The following COL8A2 variants were observed in gnomAD, a reference collection of about 807,000 sequenced individuals.
COL8A2 encodes the protein collagen alpha-2(VIII) chain.
In COL8A2, 16 loss-of-function variants were observed where a neutral mutation model predicts 24.0. The ratio of observed to expected loss-of-function variants is 0.67; its 90% CI spans 0.45 to 1.01. The LOEUF is 1.01. COL8A2 is among the 50% of genes least tolerant of loss of function. The probability of loss-of-function intolerance (pLI) is 0.00; values close to 1 mark genes in which losing one functional copy is unlikely to be tolerated. For synonymous variants in COL8A2, 466 were observed against 424.5 expected, an observed-to-expected ratio of 1.10 and a Z score of -1.20; for missense variants, 818 against 942.4, an observed-to-expected ratio of 0.87 and a Z score of 1.73.
At chr1:36,114,582 A>C (rs1643870722) in intron 2 of COL8A2, among the ~76,000 whole-genome samples, 1 of 152,096 alleles carries the variant, frequency 6.6e-6, no homozygotes, top group Non-Finnish European at 1.5e-5. Context: ...GTTCTCATTT[A>C]AGACCCAGCT....
chr1:36,110,471 C>CTT (rs925340105), intron 2 of COL8A2, among the ~76,000 whole-genome samples: 2 of 147,470 alleles, frequency 1.4e-5, no homozygotes, highest in Non-Finnish European at 3.0e-5. Context: ...GTAAAGTGAA[C>CTT]TTTTTTTTTT....
rs1643550905 is a variant in COL8A2, at chr1:36,095,662, T to TA, written c.*1906_*1907insT. 1 of 152,212 alleles carries TA rather than the reference T, an allele frequency of 6.6e-6. No homozygotes were observed. The highest frequency in any genetic ancestry group is 2.1e-4 in the South Asian group (1 of 4,832). 9.4% of individuals were successfully genotyped at this position (152,212 alleles called of 1,614,324 possible). On this transcript the variant is annotated 3_prime_UTR_variant, in exon 4 of 4. Transcript: ENST00000397799. Reference sequence around the variant, plus strand: ...CTCTGTGAAATAGCTCCCGTTTTTTTTCTTGGGACCCTACTTAGTTCCGTG... The same window carrying TA: ...CTCTGTGAAATAGCTCCCGTTTTTTTATCTTGGGACCCTACTTAGTTCCGTG...
intron 2 of COL8A2, among the ~76,000 whole-genome samples, chr1:36,107,146 G>C (rs936303675): frequency 1.3e-5 from 2 of 152,210 alleles, no homozygotes; most frequent in Admixed American, 1.3e-4. Context: ...GCTCATGCCT[G>C]TAATCCCAGC....
Position 36,107,343 on chromosome 1 carries a change from G to A in COL8A2, c.-16-7085C>T, listed in dbSNP as rs1006619066. On this transcript the variant is annotated intron_variant, in intron 2 of 3. Transcript: ENST00000397799. ...TGCTTGAGCCTGTGAGTTTGAGGCC[G>A]CAGTGAGCCGTGATTGCACCACTGC... Among the ~76,000 whole-genome samples, 7 of 151,780 alleles carry A rather than the reference G, an allele frequency of 4.6e-5. No individual in the cohort carries two copies. The East Asian group carries it at 7.8e-4, about 17-fold the overall frequency.
intron 1 of COL8A2, among the ~76,000 whole-genome samples, chr1:36,118,119 C>T (rs1247297723): frequency 1.3e-5 from 2 of 152,226 alleles, no homozygotes; most frequent in African/African-American, 4.8e-5. Flanking sequence ...ACTAGGCACA[C>T]TCCTGGCACT....
rs978323463 is a variant in COL8A2 at position 36,095,803 on chromosome 1, T to C, written c.*1766A>G. The C allele has an allele frequency of 1.3e-5, 2 of 152,146 alleles. No individual in the cohort carries two copies. The highest frequency in any genetic ancestry group is 4.8e-5 in the African/African-American group (2 of 41,420). 9.4% of individuals were successfully genotyped at this position (152,146 alleles called of 1,614,324 possible). A position where few individuals can be genotyped will look rare whatever the true frequency, so the allele number is the denominator to read the frequency against. ...TTGAGCGAAGAACCCCCACCAGGTA[T>C]GGTTTGAGAGTCCTTAGTTGGTTTT... On this transcript the variant is annotated 3_prime_UTR_variant, in exon 4 of 4. Transcript: ENST00000397799.
Position 36,111,272 on chromosome 1 carries a change from C to G in COL8A2, c.-17+4436G>C, listed in dbSNP as rs72906709. ...GCCTCCTGAAAGAATGCTCTCCACCCTCAGGCCCCACTCACTCCCCCTCCA... is the reference window on the plus strand; with the variant it reads ...GCCTCCTGAAAGAATGCTCTCCACCGTCAGGCCCCACTCACTCCCCCTCCA... On this transcript the variant is annotated intron_variant, in intron 2 of 3. Transcript: ENST00000397799. 9.5e-3 allele frequency among the ~76,000 whole-genome samples: 1,450 copies of G among 152,200 alleles called. 27 individuals carry two copies. Among genetic ancestry groups the G allele is most frequent in the African/African-American group, 0.034 (1,396 of 41,504 alleles).
Position 36,097,467 on chromosome 1 carries a change from T to G in COL8A2, c.*102A>C. 1.0e-6 allele frequency: 1 copy of G among 991,602 alleles called. No homozygotes were observed. Among genetic ancestry groups the G allele is most frequent in the South Asian group, 1.6e-5 (1 of 63,682 alleles). The allele number at this position is 991,602 out of a possible 1,614,324, so 61.4% of individuals were successfully genotyped here. Reference sequence around the variant, plus strand: ...CTCGGGCCAAGGCCACGGCCGCCTCTGTTCAGCTTTTGTTTTTTTTTCCAG... The same window carrying G: ...CTCGGGCCAAGGCCACGGCCGCCTCGGTTCAGCTTTTGTTTTTTTTTCCAG... On this transcript the variant is annotated 3_prime_UTR_variant, in exon 4 of 4. Coordinates refer to ENST00000397799, the MANE Select transcript of COL8A2 (RefSeq NM_005202.4).
intron 1 of COL8A2, among the ~76,000 whole-genome samples, chr1:36,121,994 G>A (rs1007612626): frequency 1.1e-4 from 16 of 152,134 alleles, no homozygotes; most frequent in African/African-American, 3.9e-4. Context: ...CCCTTCAAAA[G>A]CCAGGAATCC....
At chr1:36,110,719 T>A (rs1643829107) in intron 2 of COL8A2, among the ~76,000 whole-genome samples, 1 of 152,136 alleles carries the variant, frequency 6.6e-6, no homozygotes, top group Non-Finnish European at 1.5e-5. Flanking sequence ...CTCGAACGCC[T>A]GACCTCAAGT....
intron 2 of COL8A2, among the ~76,000 whole-genome samples, chr1:36,112,481 A>G (rs937803566): frequency 6.6e-6 from 1 of 151,556 alleles, no homozygotes; most frequent in African/African-American, 2.4e-5. Flanking sequence ...CTTTCCCCCA[A>G]ACTTCCAACC....
At position 36,125,201 on chromosome 1, in the gene COL8A2, C is replaced by A. The variant is rs914305954; in HGVS notation, c.-206G>T. ...CGGGGTTCCGCGTCGCTCTGCCGGC[C>A]GCCCCTCGCGGCTGCCGGAGTGGGC... On this transcript the variant is annotated 5_prime_UTR_variant, in exon 1 of 4. Coordinates refer to ENST00000397799, the MANE Select transcript of COL8A2 (RefSeq NM_005202.4). The surrounding 1 kb of genome is among the most constrained non-coding windows in gnomAD (Gnocchi z 4.5). The A allele has an allele frequency of 7.2e-5, 25 of 348,272 alleles. No individual in the cohort carries two copies. Among genetic ancestry groups the A allele is most frequent in the African/African-American group, 5.1e-4 (23 of 45,146 alleles). The allele number at this position is 348,272 out of a possible 1,614,324, so 21.6% of individuals were successfully genotyped here.
chr1:36,101,871 C>G (rs1267577145), intron 2 of COL8A2, among the ~76,000 whole-genome samples: 1 of 151,662 alleles, frequency 6.6e-6, no homozygotes, highest in African/African-American at 2.4e-5. Context: ...AGCAAAACCC[C>G]AAATTTAAAA....
At position 36,125,219 on chromosome 1, in the gene COL8A2, G is replaced by T. The variant is rs933195625; in HGVS notation, c.-224C>A. ...TGCCGGCCGCCCCTCGCGGCTGCCG[G>T]AGTGGGCGGGCGGCAGGAGGGGCGC... On this transcript the variant is annotated 5_prime_UTR_variant, in exon 1 of 4. Transcript: ENST00000397799. The surrounding 1 kb of genome is among the most constrained non-coding windows in gnomAD (Gnocchi z 4.5). The T allele has an allele frequency of 9.8e-6, 3 of 304,640 alleles. No homozygotes were observed. Among genetic ancestry groups the T allele is most frequent in the Non-Finnish European group, 1.4e-5 (3 of 208,860 alleles). 18.9% of individuals were successfully genotyped at this position (304,640 alleles called of 1,614,324 possible). A position where few individuals can be genotyped will look rare whatever the true frequency, so the allele number is the denominator to read the frequency against.
rs1223926606 is a variant in COL8A2 at position 36,100,112 on chromosome 1, A to T, written c.131T>A (p.Ile44Asn). ...GAAGYAPVKY[I>N]QPMQKGPVGP... ...CACAGGTCCTTTCTGCATGGGCTGG[A>T]TGTACTTCACTGGGGCATAGCCCGC... The change falls in exon 3 of 4, where the codon ATC (isoleucine) becomes AAC (asparagine). Residue 44 changes from isoleucine to asparagine, a missense_variant. By Grantham distance (149) the Ile-to-Asn change is moderately radical. Coordinates refer to ENST00000397799, the MANE Select transcript of COL8A2 (RefSeq NM_005202.4). The T allele has an allele frequency of 6.2e-7, 1 of 1,613,058 alleles. No individual in the cohort carries two copies. The highest frequency in any genetic ancestry group is 8.5e-7 in the Non-Finnish European group (1 of 1,179,484).
chr1:36,097,599 G>A lies in COL8A2; in HGVS notation c.2082C>T (p.Ser694=). The change falls in exon 4 of 4, where the codon TCC becomes TCT. Residue 694 remains serine, a synonymous_variant. Coordinates refer to ENST00000397799, the MANE Select transcript of COL8A2 (RefSeq NM_005202.4). The part of the protein sequence containing the change: ...GLYSTEYIHS[S]FSGFLLCPT ...TGGGGCAGAGCAAGAATCCTGAAAA[G>A]GAGGAGTGGATGTACTCCGTGGAGT... is the stretch of plus-strand genomic sequence containing the variant. The A allele has an allele frequency of 6.2e-7, 1 of 1,610,630 alleles. No individual in the cohort carries two copies. The highest frequency in any genetic ancestry group is 8.5e-7 in the Non-Finnish European group (1 of 1,178,028).
chr1:36,108,180 A>C (rs1643788185), intron 2 of COL8A2, among the ~76,000 whole-genome samples: 1 of 152,242 alleles, frequency 6.6e-6, no homozygotes, highest in Non-Finnish European at 1.5e-5. Context: ...CTGGGCTAGA[A>C]CGGGAAAAGC....
chr1:36,097,431 AAGTT>A lies in COL8A2; in HGVS notation c.*134_*137del, dbSNP rs369319052. ...CTCAGCCTGCATGCAGGGAGAAAGCAAGTTAGTCTCCTCGGGCCAAGGCCACGGC... is the reference window on the plus strand; with the variant it reads ...CTCAGCCTGCATGCAGGGAGAAAGCAAGTCTCCTCGGGCCAAGGCCACGGC... On this transcript the variant is annotated 3_prime_UTR_variant, in exon 4 of 4. Transcript: ENST00000397799. 9.9e-5 allele frequency: 71 copies of A among 714,848 alleles called. No individual in the cohort carries two copies. The East Asian group carries it at 1.3e-3, about 13-fold the overall frequency. The allele number at this position is 714,848 out of a possible 1,614,324, so 44.3% of individuals were successfully genotyped here.
intron 2 of COL8A2, among the ~76,000 whole-genome samples, chr1:36,107,017 C>G (rs1259459494): frequency 1.3e-5 from 2 of 151,938 alleles, no homozygotes; most frequent in African/African-American, 2.4e-5. Flanking sequence ...AGGCTTTACA[C>G]GCAATACGTG....
Sources: allele counts gnomAD v4.1 joint callset (sites outside exome capture counted in the v4.1 genomes callset), GRCh38; gene constraint gnomAD v4.1.1; non-coding constraint Gnocchi (gnomAD v3.1); transcripts MANE v1.5; gene names NCBI Gene and HGNC (gene_info 2026-07-23, HGNC 2026-07-21).